The following GTF2F2 variants were observed in gnomAD, a reference collection of about 807,000 sequenced individuals.
GTF2F2 encodes the protein general transcription factor IIF subunit 2.
Under a neutral mutation model 42.2 loss-of-function variants are expected in GTF2F2, and 23 were observed. That is an observed-to-expected ratio of 0.55 (90% CI 0.39 to 0.77). GTF2F2 has a LOEUF of 0.77. GTF2F2 is among the 30% of genes least tolerant of loss of function. The pLI is 0.00. For synonymous variants in GTF2F2, 105 were observed against 100.8 expected (o/e 1.04, Z -0.25); for missense variants, 261 against 287.2 (o/e 0.91, Z 0.66).
At chr13:45,160,560 C>T (rs1016536451) in intron 4 of GTF2F2, among the ~76,000 whole-genome samples, 2 of 152,112 alleles carry the variant, frequency 1.3e-5, no homozygotes. Context: ...TATTGGTTTC[C>T]TGAATTATGT....
intron 1 of GTF2F2, among the ~76,000 whole-genome samples, chr13:45,128,498 G>C (rs889816515): frequency 2.0e-5 from 3 of 151,130 alleles, no homozygotes; most frequent in Non-Finnish European, 4.4e-5. Context: ...ACTTGCACCT[G>C]GGGGGCGGAG....
intron 4 of GTF2F2, among the ~76,000 whole-genome samples, chr13:45,164,842 T>C (rs192734988): frequency 8.8e-5 from 13 of 148,342 alleles, no homozygotes; most frequent in East Asian, 2.0e-4. Flanking sequence ...ATGGGAAGGG[T>C]TACCAAAAAA....
intron 5 of GTF2F2, among the ~76,000 whole-genome samples, chr13:45,215,665 G>T (rs1593496217): frequency 1.3e-5 from 2 of 151,750 alleles, no homozygotes; most frequent in East Asian, 3.9e-4. Flanking sequence ...GGAGGCTGAG[G>T]CAGAAGAATC....
intron 4 of GTF2F2, among the ~76,000 whole-genome samples, chr13:45,181,173 C>CAAAA (rs796598856): frequency 3.6e-5 from 3 of 82,326 alleles, no homozygotes; most frequent in Admixed American, 1.1e-4. Flanking sequence ...TCTCAAAAGA[C>CAAAA]AAAAAAACAA....
intron 5 of GTF2F2, among the ~76,000 whole-genome samples, chr13:45,246,169 C>T (rs1047237951): frequency 8.6e-5 from 13 of 151,162 alleles, no homozygotes; most frequent in Non-Finnish European, 1.5e-4. Flanking sequence ...CCACCATGCC[C>T]GGCTAATTTT....
At chr13:45,159,464 C>T (rs1238785645) in intron 4 of GTF2F2, among the ~76,000 whole-genome samples, 2 of 152,202 alleles carry the variant, frequency 1.3e-5, no homozygotes, top group African/African-American at 4.8e-5. Context: ...GATCTCGGCT[C>T]ACTGCAACCT....
At chr13:45,249,780 G>A (rs1442609107) in intron 5 of GTF2F2, among the ~76,000 whole-genome samples, 1 of 152,118 alleles carries the variant, frequency 6.6e-6, no homozygotes, top group Non-Finnish European at 1.5e-5. Flanking sequence ...ACCATTTAGA[G>A]AGGCCAAACC....
At chr13:45,267,810 AT>A (rs201281124) in intron 7 of GTF2F2, among the ~76,000 whole-genome samples, 16,661 of 121,716 alleles carry the variant, frequency 0.14, 1,573 homozygotes, top group African/African-American at 0.29. Flanking sequence ...TTTTCTGTGG[AT>A]TTTTTTTTTT....
At chr13:45,121,716 G>C (rs1437837669) in intron 1 of GTF2F2, among the ~76,000 whole-genome samples, 1 of 152,192 alleles carries the variant, frequency 6.6e-6, no homozygotes, top group African/African-American at 2.4e-5. Flanking sequence ...GTCATACCCA[G>C]AATAGTGTTT....
intron 5 of GTF2F2, among the ~76,000 whole-genome samples, chr13:45,247,611 C>G (rs1014493225): frequency 1.3e-5 from 2 of 151,998 alleles, no homozygotes; most frequent in Admixed American, 6.6e-5. Flanking sequence ...CCAGGATGGT[C>G]TCGATCTGAC....
intron 7 of GTF2F2, 133 bp from the exon 8 acceptor site, chr13:45,283,309 T>C: frequency 1.5e-6 from 1 of 682,278 alleles, no homozygotes; most frequent in South Asian, 2.3e-5. Context: ...AACCTCCTTA[T>C]AGAGAAATCT....
chr13:45,200,482 T>C (rs975788582), intron 4 of GTF2F2, among the ~76,000 whole-genome samples: 2 of 152,144 alleles, frequency 1.3e-5, no homozygotes, highest in African/African-American at 4.8e-5. Flanking sequence ...AACTTTTTTA[T>C]CTTTTTGTGG....
intron 7 of GTF2F2, among the ~76,000 whole-genome samples, chr13:45,276,439 CTT>C (rs61148455): frequency 5.5e-5 from 8 of 144,184 alleles, no homozygotes; most frequent in Admixed American, 6.9e-5. Flanking sequence ...AACTGCTAGA[CTT>C]TTTTTTTTTT....
intron 4 of GTF2F2, among the ~76,000 whole-genome samples, chr13:45,172,425 A>G (rs1460561171): frequency 6.6e-6 from 1 of 151,972 alleles, no homozygotes; most frequent in African/African-American, 2.4e-5. Flanking sequence ...TAAGAGTTCA[A>G]TATATATATA....
chr13:45,228,283 C>CCTTTTTTTTTTTTTT (rs1874468398), intron 5 of GTF2F2, among the ~76,000 whole-genome samples: 1 of 92,706 alleles, frequency 1.1e-5, no homozygotes, highest in Non-Finnish European at 2.1e-5. Flanking sequence ...CAGAGTTAAT[C>CCTTTTTTTTTTTTTT]TTTTTTTTTT....
At chr13:45,145,300 A>G (rs1400967079) in intron 2 of GTF2F2, among the ~76,000 whole-genome samples, 1 of 152,150 alleles carries the variant, frequency 6.6e-6, no homozygotes, top group African/African-American at 2.4e-5. Context: ...TCATTCTTTG[A>G]GCACTTGTTA....
intron 4 of GTF2F2, among the ~76,000 whole-genome samples, chr13:45,183,240 C>G (rs891065780): frequency 2.0e-5 from 3 of 152,146 alleles, no homozygotes; most frequent in Non-Finnish European, 4.4e-5. Context: ...CTACCTACCT[C>G]TATCTGTTAG....
At chr13:45,159,267 G>A (rs763538196) in intron 4 of GTF2F2, among the ~76,000 whole-genome samples, 7 of 152,226 alleles carry the variant, frequency 4.6e-5, no homozygotes, top group Non-Finnish European at 7.3e-5. Flanking sequence ...GTATAGCAAT[G>A]GTAGTGCTCT....
intron 7 of GTF2F2, among the ~76,000 whole-genome samples, chr13:45,282,695 G>C (rs1287457624): frequency 6.6e-6 from 1 of 152,106 alleles, no homozygotes; most frequent in Admixed American, 6.5e-5. Context: ...AGTAGAGACG[G>C]GGTTTCACCA....
Sources: allele counts gnomAD v4.1 joint callset (sites outside exome capture counted in the v4.1 genomes callset), GRCh38; gene constraint gnomAD v4.1.1; transcripts MANE v1.5; gene names NCBI Gene and HGNC (gene_info 2026-07-23, HGNC 2026-07-21).